The following CHN2 variants were observed in gnomAD, a reference collection of about 807,000 sequenced individuals.
The protein encoded by CHN2 is beta-chimaerin.
Under a neutral mutation model 56.3 loss-of-function variants are expected in CHN2, and 35 were observed. The observed-to-expected ratio is 0.62, with a 90% CI of 0.47 to 0.82. The LOEUF (loss-of-function observed/expected upper bound fraction) is 0.82, where lower values mean the gene tolerates loss of function less well. CHN2 is among the 40% of genes least tolerant of loss of function. The probability of loss-of-function intolerance (pLI) is 0.00; values close to 1 mark genes in which losing one functional copy is unlikely to be tolerated. For missense variants in CHN2, 491 were observed against 580.5 expected, an observed-to-expected ratio of 0.85 and a Z score of 1.58; for synonymous variants, 210 against 212.8, an observed-to-expected ratio of 0.99 and a Z score of 0.12.
chr7:29,263,058 A>G (rs1295550889), intron 1 of CHN2, among the ~76,000 whole-genome samples: 1 of 151,604 alleles, frequency 6.6e-6, no homozygotes, highest in Non-Finnish European at 1.5e-5. Flanking sequence ...TCCCCTTTGC[A>G]TGGTCTCCCT....
At chr7:29,482,965 GCGCC>G (rs919120108) in intron 7 of CHN2, among the ~76,000 whole-genome samples, 185 of 151,576 alleles carry the variant, frequency 1.2e-3, no homozygotes, top group African/African-American at 4.3e-3. Context: ...GGGACTACAG[GCGCC>G]CGCCAACACA....
At chr7:29,471,709 A>T (rs560049089) in intron 6 of CHN2, among the ~76,000 whole-genome samples, 8 of 152,272 alleles carry the variant, frequency 5.3e-5, no homozygotes, top group African/African-American at 1.7e-4. Flanking sequence ...GTCATCAGAG[A>T]CAAGGAACCT....
intron 1 of CHN2, among the ~76,000 whole-genome samples, chr7:29,235,818 T>C (rs577248759): frequency 5.9e-5 from 9 of 152,264 alleles, no homozygotes; most frequent in Non-Finnish European, 8.8e-5. Context: ...TTCTCACTTA[T>C]AAGTGGGAGC....
At chr7:29,431,722 C>T (rs771717860) in intron 6 of CHN2, among the ~76,000 whole-genome samples, 3 of 152,282 alleles carry the variant, frequency 2.0e-5, no homozygotes, top group East Asian at 1.9e-4. Context: ...AGTCATGAAC[C>T]GAGACCATCT....
chr7:29,438,833 A>C lies in CHN2; in HGVS notation c.576+38005A>C, dbSNP rs538310044. 6.4e-4 allele frequency among the ~76,000 whole-genome samples: 98 copies of C among 152,326 alleles called. 2 individuals are homozygous for C. In the South Asian group the frequency reaches 0.011, roughly 17 times the overall value. ...GGTTGATTAAACAACCTTTGTTGAG[A>C]GTAATATTAGAAACAGACAGTTGTA... On this transcript the variant is annotated intron_variant, in intron 6 of 12. Coordinates refer to ENST00000222792, the MANE Select transcript of CHN2 (RefSeq NM_004067.4).
At chr7:29,460,175 C>A (rs1785054709) in intron 6 of CHN2, among the ~76,000 whole-genome samples, 1 of 152,202 alleles carries the variant, frequency 6.6e-6, no homozygotes, top group African/African-American at 2.4e-5. Context: ...GCCCCCTGAG[C>A]AATTCTAATG....
intron 3 of CHN2, among the ~76,000 whole-genome samples, chr7:29,376,747 G>A (rs28430863): frequency 0.014 from 2,177 of 152,200 alleles, 53 homozygotes; most frequent in African/African-American, 0.049. Context: ...GGCACCCATA[G>A]CCTTCCTTAT....
chr7:29,262,971 T>G (rs1789687225), intron 1 of CHN2, among the ~76,000 whole-genome samples: 2 of 152,214 alleles, frequency 1.3e-5, no homozygotes, highest in African/African-American at 4.8e-5. Flanking sequence ...TTATGTTATA[T>G]GTATTTTACC....
chr7:29,379,620 C>T (rs562927011), intron 3 of CHN2, among the ~76,000 whole-genome samples: 1 of 152,268 alleles, frequency 6.6e-6, no homozygotes, highest in East Asian at 1.9e-4. Flanking sequence ...CTGTAAAAGT[C>T]TTTCAACTTT....
chr7:29,291,072 C>T (rs990252996), intron 1 of CHN2, among the ~76,000 whole-genome samples: 2 of 152,128 alleles, frequency 1.3e-5, no homozygotes, highest in Non-Finnish European at 2.9e-5. Context: ...TGGGAGGGGC[C>T]ACAGGTGCAG....
intron 2 of CHN2, among the ~76,000 whole-genome samples, chr7:29,153,393 A>C (rs1793885200): frequency 6.6e-6 from 1 of 152,118 alleles, no homozygotes; most frequent in South Asian, 2.1e-4. Context: ...GAGTGTGTCC[A>C]CCTTCTCTCC....
chr7:29,466,675 G>T (rs1408466395), intron 6 of CHN2, among the ~76,000 whole-genome samples: 1 of 152,060 alleles, frequency 6.6e-6, no homozygotes, highest in African/African-American at 2.4e-5. Context: ...CACTTGTTTT[G>T]CACATCTGAG....
At chr7:29,347,915 A>G (rs1797587096) in intron 1 of CHN2, among the ~76,000 whole-genome samples, 1 of 152,220 alleles carries the variant, frequency 6.6e-6, no homozygotes, top group African/African-American at 2.4e-5. Flanking sequence ...TATGTATGGT[A>G]TGAAACCATT....
intron 6 of CHN2, among the ~76,000 whole-genome samples, chr7:29,439,769 A>G (rs535239131): frequency 1.4e-4 from 21 of 152,348 alleles, no homozygotes; most frequent in South Asian, 6.2e-4. Flanking sequence ...ACCTAAGTAT[A>G]ATGTAAAACA....
chr7:29,358,179 A>C (rs1443138152), intron 2 of CHN2, among the ~76,000 whole-genome samples: 1 of 152,142 alleles, frequency 6.6e-6, no homozygotes, highest in Non-Finnish European at 1.5e-5. Flanking sequence ...ACTTTGACTT[A>C]TTTAATGTCA....
intron 1 of CHN2, among the ~76,000 whole-genome samples, chr7:29,202,510 A>ACTTCTTGACAGTT (rs1217530332): frequency 6.6e-6 from 1 of 152,236 alleles, no homozygotes; most frequent in African/African-American, 2.4e-5. Flanking sequence ...GTGTCAAGTT[A>ACTTCTTGACAGTT]ACTGTCAAGA....
intron 3 of CHN2, 70 bp from the exon 4 acceptor site, chr7:29,393,609 T>A: frequency 1.4e-6 from 1 of 702,600 alleles, no homozygotes; most frequent in Non-Finnish European, 2.2e-6. Flanking sequence ...TTCTGTTTAT[T>A]TGAATAGCAT....
chr7:29,240,797 C>T (rs1476283107), intron 1 of CHN2, among the ~76,000 whole-genome samples: 1 of 134,864 alleles, frequency 7.4e-6, no homozygotes, highest in African/African-American at 2.6e-5. Flanking sequence ...TCTTCTTCTT[C>T]CTCTTCTTCT....
chr7:29,490,002 C>T (rs1788476177), intron 7 of CHN2, among the ~76,000 whole-genome samples: 1 of 152,018 alleles, frequency 6.6e-6, no homozygotes, highest in South Asian at 2.1e-4. Flanking sequence ...TAGCCACTCA[C>T]TTAATTTCTA....
Sources: gnomAD v4.1 joint callset for allele counts (sites outside exome capture counted in the v4.1 genomes callset) on GRCh38, gnomAD v4.1.1 for gene constraint, MANE v1.5 for transcripts, NCBI Gene and HGNC (gene_info 2026-07-23, HGNC 2026-07-21) for gene names.